Variants in E2F1 observed in about 807,000 individuals in gnomAD.
E2F1 encodes the protein E2F transcription factor 1, also known as transcription factor E2F1.
A neutral mutation model predicts 36.9 loss-of-function variants in E2F1; 7 were observed. The ratio of observed to expected loss-of-function variants is 0.19; its 90% confidence interval spans 0.11 to 0.36. The LOEUF is 0.36. Among genes scored for constraint, E2F1 ranks in the 10% least tolerant of loss-of-function variants. The pLI is 1.00. For missense variants in E2F1, 406 were observed against 573.6 expected (o/e 0.71, Z 2.99); for synonymous variants, 261 against 263.1 (o/e 0.99, Z 0.08).
Position 33,684,659 on chromosome 20 carries a change from C to T in E2F1, c.261+1345G>A, listed in dbSNP as rs935792894. Among the ~76,000 whole-genome samples, 10 of 152,184 alleles carry T rather than the reference C, an allele frequency of 6.6e-5. No individual in the cohort carries two copies. The South Asian group carries it at 2.1e-3, about 32-fold the overall frequency. The stretch of plus-strand genomic sequence containing the variant: ...ATTAAGTAAAGCGCTTGGCACAGAG[C>T]CTGGCACACAAGACATCCTCAAAAC... On this transcript the variant is annotated intron_variant, in intron 1 of 6. Coordinates refer to ENST00000343380, the MANE Select transcript of E2F1 (RefSeq NM_005225.3).
At position 33,678,182 on chromosome 20, in the gene E2F1, A is replaced by G; in HGVS notation, c.725+19T>C. 6.2e-7 allele frequency: 1 copy of G among 1,606,000 alleles called. No homozygotes were observed. Among genetic ancestry groups the G allele is most frequent in the Non-Finnish European group, 8.5e-7 (1 of 1,174,354 alleles). ...CTGCTAAGCCTGCCTTCCACACCCTACGGCCAATCCAAGGATATCGCTGGC... is the reference window on the plus strand; with the variant it reads ...CTGCTAAGCCTGCCTTCCACACCCTGCGGCCAATCCAAGGATATCGCTGGC... On this transcript the variant is annotated intron_variant, in intron 4 of 6. Transcript: ENST00000343380.
At chr20:33,683,728 C>T (rs769742118) in intron 1 of E2F1, among the ~76,000 whole-genome samples, 7 of 151,824 alleles carry the variant, frequency 4.6e-5, no homozygotes, top group African/African-American at 1.5e-4. Context: ...GCCGCAATCA[C>T]GCCACTGCAC....
rs2017999420 is a variant in E2F1, at chr20:33,679,557, TA to T, written c.572+197del. Among the ~76,000 whole-genome samples, 1 of 152,172 alleles carries T rather than the reference TA, an allele frequency of 6.6e-6. No homozygotes were observed. The highest frequency in any genetic ancestry group is 1.5e-5 in the Non-Finnish European group (1 of 68,010). On this transcript the variant is annotated intron_variant, in intron 3 of 6. Transcript: ENST00000343380. This position sits in a 1 kb window ranked among gnomAD's most constrained non-coding sequence, Gnocchi z 4.6. ...AAACTCCATCTAAAAAAGAAAAAAGTAAAGCTGCAACTGAGGTGGATATGTA... is the reference window on the plus strand; with the variant it reads ...AAACTCCATCTAAAAAAGAAAAAAGTAAGCTGCAACTGAGGTGGATATGTA...
At position 33,686,206 on chromosome 20, in the gene E2F1, A is replaced by G; in HGVS notation, c.59T>C (p.Leu20Pro). The G allele has an allele frequency of 1.9e-6, 2 of 1,035,682 alleles. No individual in the cohort carries two copies. The highest frequency in any genetic ancestry group is 2.3e-6 in the Non-Finnish European group (2 of 864,488). 64.2% of individuals were successfully genotyped at this position (1,035,682 alleles called of 1,614,324 possible). A position where few individuals can be genotyped will look rare whatever the true frequency, so the allele number is the denominator to read the frequency against. The change falls in exon 1 of 7, where the codon CTC (leucine) becomes CCC (proline). Residue 20 changes from leucine to proline, a missense_variant. Coordinates refer to ENST00000343380, the MANE Select transcript of E2F1 (RefSeq NM_005225.3). ...GPCAPALEAL[L>P]GAGALRLLDS... ...GAGCAGCCGCAGCGCGCCGGCCCCGAGCAGGGCCTCCAGCGCCGGCGCGCA... is the reference window on the plus strand; with the variant it reads ...GAGCAGCCGCAGCGCGCCGGCCCCGGGCAGGGCCTCCAGCGCCGGCGCGCA...
chr20:33,684,673 C>T (rs905093247), intron 1 of E2F1, among the ~76,000 whole-genome samples: 1 of 152,168 alleles, frequency 6.6e-6, no homozygotes, highest in African/African-American at 2.4e-5. Context: ...GCACACAAGA[C>T]ATCCTCAAAA....
intron 1 of E2F1, among the ~76,000 whole-genome samples, chr20:33,682,845 ACATACAGACAAG>A (rs1214701460): frequency 6.6e-6 from 1 of 152,138 alleles, no homozygotes; most frequent in Non-Finnish European, 1.5e-5. Flanking sequence ...ATCCCCTCAC[ACATACAGACAAG>A]CAAAACACTG....
chr20:33,678,943 A>G (rs890336004), intron 3 of E2F1, among the ~76,000 whole-genome samples: 3 of 151,920 alleles, frequency 2.0e-5, no homozygotes, highest in African/African-American at 7.2e-5. Flanking sequence ...CCTGTCTCAA[A>G]CCACCCCCCT....
rs200611622 is a variant in E2F1 at position 33,680,430 on chromosome 20, G to A, written c.262-14C>T. 4.3e-6 allele frequency: 7 copies of A among 1,611,954 alleles called. No individual in the cohort carries two copies. The highest frequency in any genetic ancestry group is 2.2e-5 in the East Asian group (1 of 44,862). ...CCTCCGCTTCACCTGTGGCGAAAAC[G>A]GGAGGATGCCCAGTAACCAGGAGTG... On this transcript the variant is annotated splice_polypyrimidine_tract_variant and intron_variant, in intron 1 of 6. Coordinates refer to ENST00000343380, the MANE Select transcript of E2F1 (RefSeq NM_005225.3).
chr20:33,679,336 G>A lies in E2F1; in HGVS notation c.572+419C>T, dbSNP rs1168648797. 6.6e-6 allele frequency among the ~76,000 whole-genome samples: 1 copy of A among 152,252 alleles called. No individual in the cohort carries two copies. The highest frequency in any genetic ancestry group is 1.9e-4 in the East Asian group (1 of 5,204). On this transcript the variant is annotated intron_variant, in intron 3 of 6. Coordinates refer to ENST00000343380, the MANE Select transcript of E2F1 (RefSeq NM_005225.3). This position sits in a 1 kb window ranked among gnomAD's most constrained non-coding sequence, Gnocchi z 4.6. ...AGGCAGGCAGATCACCTGAGATCAG[G>A]AGTTCGAGACCAGACTGGCCAACAT...
At position 33,686,094 on chromosome 20, in the gene E2F1, G is replaced by C; in HGVS notation, c.171C>G (p.Gly57=). 9.2e-7 allele frequency: 1 copy of C among 1,091,552 alleles called. No individual in the cohort carries two copies. The highest frequency in any genetic ancestry group is 1.1e-6 in the Non-Finnish European group (1 of 900,386). The allele number at this position is 1,091,552 out of a possible 1,614,324, so 67.6% of individuals were successfully genotyped here. ...APTGPAAPAA[G]PCDPDLLLFA... ...AGAGCAGCAGGTCAGGGTCGCAGGGGCCGGCGGCGGGCGCCGCGGGGCCGG... is the reference window on the plus strand; with the variant it reads ...AGAGCAGCAGGTCAGGGTCGCAGGGCCCGGCGGCGGGCGCCGCGGGGCCGG... Residue 57 remains glycine (G), a synonymous_variant, in exon 1 of 7, where the codon GGC becomes GGG. Coordinates refer to ENST00000343380, the MANE Select transcript of E2F1 (RefSeq NM_005225.3).
intron 1 of E2F1, among the ~76,000 whole-genome samples, chr20:33,683,135 G>A (rs3213159): frequency 0.011 from 1,649 of 152,252 alleles, 23 homozygotes; most frequent in African/African-American, 0.037. Context: ...GGATCCTGCC[G>A]TCAACTTTCT....
intron 2 of E2F1, 108 bp from the exon 3 acceptor site, chr20:33,680,082 G>A: frequency 9.7e-7 from 1 of 1,035,778 alleles, no homozygotes; most frequent in African/African-American, 1.6e-5. Flanking sequence ...GGGGCTGGGG[G>A]ACAGCCAGCT....
chr20:33,678,250 T>C lies in E2F1; in HGVS notation c.676A>G (p.Ile226Val), dbSNP rs2017983907. The change falls in exon 4 of 7, where the codon ATC becomes GTC. Residue 226 changes from isoleucine (I) to valine (V), a missense_variant. Ile to Val is a conservative substitution (Grantham distance 29, BLOSUM62 3). Transcript: ENST00000343380. ...AGCAGGCGCAGCTGCGTAGTACAGA[T>C]ATTCATCAGGTGGTCCAGCTGCTGC... ...SEQQLDHLMN[I>V]CTTQLRLLSE... The C allele has an allele frequency of 6.2e-7, 1 of 1,613,702 alleles. No homozygotes were observed. The highest frequency in any genetic ancestry group is 1.7e-5 in the Admixed American group (1 of 60,004).
chr20:33,679,605 T>C lies in E2F1; in HGVS notation c.572+150A>G, dbSNP rs3213169. The C allele has an allele frequency of 0.011, 7,365 of 687,786 alleles. 361 individuals carry two copies. The African/African-American group carries it at 0.12, about 11-fold the overall frequency. The allele number at this position is 687,786 out of a possible 1,614,324, so 42.6% of individuals were successfully genotyped here. A position where few individuals can be genotyped will look rare whatever the true frequency, so the allele number is the denominator to read the frequency against. On this transcript the variant is annotated intron_variant, in intron 3 of 6. Coordinates refer to ENST00000343380, the MANE Select transcript of E2F1 (RefSeq NM_005225.3). The surrounding 1 kb of genome is among the most constrained non-coding windows in gnomAD (Gnocchi z 4.6). ...TGTAAGATTTGTGTGCTTTTTACCA[T>C]CTATCATCTCAGGGAAGCTACCTCT... is the stretch of plus-strand genomic sequence containing the variant.
Position 33,679,679 on chromosome 20 carries a change from A to G in E2F1, c.572+76T>C. On this transcript the variant is annotated intron_variant, in intron 3 of 6. Transcript: ENST00000343380. The surrounding 1 kb of genome is among the most constrained non-coding windows in gnomAD (Gnocchi z 4.6). ...CTATAAGATGGGGATGCAGGCAGCCACAGTGGGTATTACTACCAGCTCCTC... is the reference window on the plus strand; with the variant it reads ...CTATAAGATGGGGATGCAGGCAGCCGCAGTGGGTATTACTACCAGCTCCTC... The G allele has an allele frequency of 1.4e-6, 2 of 1,379,730 alleles. No homozygotes were observed. The highest frequency in any genetic ancestry group is 2.1e-6 in the Non-Finnish European group (2 of 969,332). The allele number at this position is 1,379,730 out of a possible 1,614,324, so 85.5% of individuals were successfully genotyped here.
chr20:33,684,477 C>T (rs574599939), intron 1 of E2F1, among the ~76,000 whole-genome samples: 1 of 152,230 alleles, frequency 6.6e-6, no homozygotes, highest in South Asian at 2.1e-4. Flanking sequence ...GTATCAGCAT[C>T]CCCAGAAAGC....
Position 33,676,857 on chromosome 20 carries a change from C to T in E2F1, c.1189G>A (p.Glu397Lys). The change falls in exon 7 of 7, where the codon GAG (glutamate) becomes AAG (lysine). Residue 397 changes from glutamate (E) to lysine (K), a missense_variant. By Grantham distance (56) the Glu-to-Lys change is moderately conservative. Transcript: ENST00000343380. The stretch of plus-strand genomic sequence containing the variant: ...GGTGGGGAAAGGCTGATGAACTCCT[C>T]AGGGAGGAGGCCGGAGAAGTCCTCC... ...VREDFSGLLPEEFISLSPPHE... is the reference protein window; with the variant it reads ...VREDFSGLLPKEFISLSPPHE... The T allele has an allele frequency of 6.3e-7, 1 of 1,589,738 alleles. No homozygotes were observed.
chr20:33,678,426 A>C, intron 3 of E2F1, 73 bp from the exon 4 acceptor site: 1 of 1,568,180 alleles, frequency 6.4e-7, no homozygotes, highest in East Asian at 2.2e-5. Flanking sequence ...GGGCCTCAGG[A>C]CAGAGTCTGC....
chr20:33,685,769 C>T (rs1348048367), intron 1 of E2F1, among the ~76,000 whole-genome samples: 1 of 152,164 alleles, frequency 6.6e-6, no homozygotes, highest in Non-Finnish European at 1.5e-5. Context: ...GGGGAGGCTC[C>T]GGTGAGGAAG....
Sources: gnomAD v4.1 joint callset for allele counts (sites outside exome capture counted in the v4.1 genomes callset) on GRCh38, gnomAD v4.1.1 for gene constraint, Gnocchi (gnomAD v3.1) non-coding constraint, MANE v1.5 for transcripts, NCBI Gene and HGNC (gene_info 2026-07-23, HGNC 2026-07-21) for gene names.